ETV6: variants seen among roughly 807,000 people sequenced by gnomAD.
ETV6 encodes ETS variant transcription factor 6.
Under a neutral mutation model 51.1 loss-of-function variants are expected in ETV6, and 16 were observed. The observed-to-expected ratio is 0.31, with a 90% confidence interval of 0.21 to 0.48. The LOEUF (loss-of-function observed/expected upper bound fraction) is 0.48. Ranked by LOEUF, ETV6 falls within the 20% of genes least tolerant of loss-of-function variation. ETV6 has a pLI of 0.99. For synonymous variants in ETV6, 240 were observed against 224.1 expected, an observed-to-expected ratio of 1.07 and a Z score of -0.64; for missense variants, 458 against 594.8, an observed-to-expected ratio of 0.77 and a Z score of 2.39.
intron 1 of ETV6, among the ~76,000 whole-genome samples, chr12:11,717,747 A>G (rs57857300): frequency 0.03 from 4,541 of 152,266 alleles, 108 homozygotes; most frequent in East Asian, 0.083. Context: ...CATTTTTCCT[A>G]TAGTTTATTG....
intron 5 of ETV6, among the ~76,000 whole-genome samples, chr12:11,883,298 T>C (rs1215784175): frequency 7.5e-6 from 1 of 133,608 alleles, no homozygotes; most frequent in Non-Finnish European, 1.6e-5. Context: ...TTTTTTTTTT[T>C]TTTTTTTTTT....
chr12:11,869,241 G>GA lies in ETV6; in HGVS notation c.464-169dup, dbSNP rs11302289. On this transcript the variant is annotated intron_variant, in intron 4 of 7. Coordinates refer to ENST00000396373, the MANE Select transcript of ETV6 (RefSeq NM_001987.5). This position sits in a 1 kb window ranked among gnomAD's most constrained non-coding sequence, Gnocchi z 5.0. ...ACAGAGTGAGACTCCATCTCAAACA[G>GA]AAAAAAAAAAAAAATATGCACCCTT... Among the ~76,000 whole-genome samples the GA allele has an allele frequency of 0.48, 67,121 of 140,064 alleles. 16,436 individuals carry two copies. The highest frequency in any genetic ancestry group is 0.62 in the Middle Eastern group (170 of 274). The allele number at this position is 140,064 out of a possible 152,430, so 91.9% of individuals were successfully genotyped here.
At chr12:11,864,026 A>C (rs964534331) in intron 4 of ETV6, among the ~76,000 whole-genome samples, 5 of 152,224 alleles carry the variant, frequency 3.3e-5, no homozygotes, top group African/African-American at 1.2e-4. Context: ...AGAAATAAAT[A>C]AATCAAGCTC....
chr12:11,710,831 T>C (rs527320130), intron 1 of ETV6, among the ~76,000 whole-genome samples: 112 of 152,168 alleles, frequency 7.4e-4, no homozygotes, highest in Non-Finnish European at 1.4e-3. Flanking sequence ...TCCTGTAGGG[T>C]ACCTCTAGGA....
At chr12:11,873,077 C>T (rs1946908885) in intron 5 of ETV6, among the ~76,000 whole-genome samples, 1 of 152,160 alleles carries the variant, frequency 6.6e-6, no homozygotes, top group Non-Finnish European at 1.5e-5. Flanking sequence ...AAACTAATTA[C>T]CAGTGCTATA....
intron 4 of ETV6, among the ~76,000 whole-genome samples, chr12:11,859,722 T>C (rs2136509719): frequency 6.6e-6 from 1 of 152,306 alleles, no homozygotes; most frequent in Non-Finnish European, 1.5e-5. Flanking sequence ...GAGACCAAAA[T>C]ACATTTTCAT....
chr12:11,790,839 G>A (rs970674961), intron 2 of ETV6, among the ~76,000 whole-genome samples: 29 of 151,820 alleles, frequency 1.9e-4, no homozygotes, highest in South Asian at 2.1e-4. Flanking sequence ...CACCACACCC[G>A]GCTAATTTTT....
chr12:11,803,986 TATC>T (rs1945790056), intron 2 of ETV6, among the ~76,000 whole-genome samples: 4 of 152,212 alleles, frequency 2.6e-5, no homozygotes, highest in African/African-American at 7.2e-5. Context: ...GTATTCTAAA[TATC>T]ATTATCTTTT....
chr12:11,815,659 T>G (rs1945981646), intron 2 of ETV6, among the ~76,000 whole-genome samples: 1 of 152,248 alleles, frequency 6.6e-6, no homozygotes. Context: ...GAGAGCACTT[T>G]GCAAACTGTG....
intron 2 of ETV6, among the ~76,000 whole-genome samples, chr12:11,815,245 T>A (rs999505632): frequency 6.6e-6 from 1 of 152,114 alleles, no homozygotes; most frequent in Non-Finnish European, 1.5e-5. Context: ...AGAAAACAAA[T>A]TCAAAGACAG....
At chr12:11,705,633 T>A (rs1489283440) in intron 1 of ETV6, among the ~76,000 whole-genome samples, 2 of 152,228 alleles carry the variant, frequency 1.3e-5, no homozygotes, top group Non-Finnish European at 2.9e-5. Context: ...TACATTAACA[T>A]ATTAACAAAA....
At chr12:11,766,538 C>G (rs373359188) in intron 2 of ETV6, among the ~76,000 whole-genome samples, 56 of 152,328 alleles carry the variant, frequency 3.7e-4, no homozygotes, top group African/African-American at 1.2e-3. Flanking sequence ...CCTCCCACCC[C>G]CGCCATTAGC....
intron 1 of ETV6, among the ~76,000 whole-genome samples, chr12:11,687,560 T>C (rs1280977230): frequency 6.6e-6 from 1 of 152,108 alleles, no homozygotes; most frequent in Non-Finnish European, 1.5e-5. Flanking sequence ...GATTGCTGAG[T>C]ATGAGAAATC....
At position 11,853,749 on chromosome 12, in the gene ETV6, G is replaced by A. The variant is rs540019332; in HGVS notation, c.463+188G>A. Among the ~76,000 whole-genome samples the A allele has an allele frequency of 3.9e-5, 6 of 152,360 alleles. No homozygotes were observed. The South Asian group carries it at 1.2e-3, about 32-fold the overall frequency. ...GCTCACGATCAAAGCGAAGCAGTGAGATGGATGTACACAGAAGCACAGAAG... is the reference window on the plus strand; with the variant it reads ...GCTCACGATCAAAGCGAAGCAGTGAAATGGATGTACACAGAAGCACAGAAG... On this transcript the variant is annotated intron_variant, in intron 4 of 7. Transcript: ENST00000396373.
At chr12:11,747,570 G>T (rs1217968178) in intron 1 of ETV6, among the ~76,000 whole-genome samples, 28 of 152,134 alleles carry the variant, frequency 1.8e-4, no homozygotes, top group Admixed American at 1.8e-3. Flanking sequence ...GTGGCTGTGT[G>T]TACAATGTCT....
chr12:11,815,027 C>T (rs766452999), intron 2 of ETV6, among the ~76,000 whole-genome samples: 6 of 152,166 alleles, frequency 3.9e-5, no homozygotes, highest in Non-Finnish European at 5.9e-5. Flanking sequence ...CCTAACACAA[C>T]AGAAAATGAT....
chr12:11,836,005 T>C (rs1399584813), intron 2 of ETV6, among the ~76,000 whole-genome samples: 1 of 152,218 alleles, frequency 6.6e-6, no homozygotes, highest in East Asian at 1.9e-4. Flanking sequence ...TGAGCTAATA[T>C]CTATTCATAT....
At chr12:11,651,514 G>T (rs927017116) in intron 1 of ETV6, among the ~76,000 whole-genome samples, 2 of 152,188 alleles carry the variant, frequency 1.3e-5, no homozygotes, top group African/African-American at 4.8e-5. Flanking sequence ...TCACAAAAAT[G>T]CCTAATGGAA....
At chr12:11,677,265 C>G (rs1864437861) in intron 1 of ETV6, among the ~76,000 whole-genome samples, 1 of 152,170 alleles carries the variant, frequency 6.6e-6, no homozygotes, top group African/African-American at 2.4e-5. Flanking sequence ...GAACCTTTCT[C>G]TCTCTCCTCC....
Sources: gnomAD v4.1 joint callset for allele counts (sites outside exome capture counted in the v4.1 genomes callset) on GRCh38, gnomAD v4.1.1 for gene constraint, Gnocchi (gnomAD v3.1) non-coding constraint, MANE v1.5 for transcripts, NCBI Gene and HGNC (gene_info 2026-07-23, HGNC 2026-07-21) for gene names.